Variants in UHRF2 observed in about 807,000 individuals in gnomAD.
UHRF2 encodes ubiquitin like with PHD and ring finger domains 2.
In UHRF2, 23 loss-of-function variants were observed where a neutral mutation model predicts 96.8. The ratio of observed to expected loss-of-function variants is 0.24; its 90% CI spans 0.17 to 0.34. The LOEUF is 0.34. UHRF2 is among the 10% of genes least tolerant of loss of function. UHRF2 has a pLI of 1.00. For synonymous variants in UHRF2, 385 were observed against 332.6 expected, an observed-to-expected ratio of 1.16 and a Z score of -1.72; for missense variants, 685 against 981.5, an observed-to-expected ratio of 0.70 and a Z score of 4.04.
intron 2 of UHRF2, among the ~76,000 whole-genome samples, chr9:6,433,353 A>G (rs1820660720): frequency 6.6e-6 from 1 of 152,120 alleles, no homozygotes; most frequent in Non-Finnish European, 1.5e-5. Context: ...TGGTAGATAA[A>G]TGTATTTGCC....
At chr9:6,425,838 T>C (rs961751820) in intron 2 of UHRF2, among the ~76,000 whole-genome samples, 10 of 152,190 alleles carry the variant, frequency 6.6e-5, no homozygotes, top group Non-Finnish European at 1.5e-4. Context: ...TCATTGCTTT[T>C]AGAGCCTTCA....
chr9:6,437,511 G>A (rs866899537), intron 3 of UHRF2, among the ~76,000 whole-genome samples: 212 of 152,306 alleles, frequency 1.4e-3, no homozygotes, highest in African/African-American at 4.9e-3. Flanking sequence ...GGGATTACAG[G>A]TATGAGTCAC....
chr9:6,473,802 A>G (rs1823393445), intron 4 of UHRF2, among the ~76,000 whole-genome samples: 1 of 152,232 alleles, frequency 6.6e-6, no homozygotes, highest in Non-Finnish European at 1.5e-5. Context: ...AGTTCTAATA[A>G]AACTTTATTT....
chr9:6,469,288 G>T (rs1823069353), intron 4 of UHRF2, among the ~76,000 whole-genome samples: 1 of 152,150 alleles, frequency 6.6e-6, no homozygotes, highest in African/African-American at 2.4e-5. Context: ...GGGAGGCCGA[G>T]GCAGGTGGAT....
At chr9:6,424,332 A>G (rs997429931) in intron 2 of UHRF2, among the ~76,000 whole-genome samples, 15 of 152,234 alleles carry the variant, frequency 9.9e-5, no homozygotes, top group Admixed American at 1.3e-4. Context: ...TCTGGGAATA[A>G]GTTAAGACTT....
In UHRF2 at chr9:6,500,575, G is replaced by C; in HGVS notation, c.2029G>C (p.Val677Leu). The change falls in exon 14 of 16, where the codon GTG becomes CTG. Residue 677 changes from valine to leucine, a missense_variant. Transcript: ENST00000276893. ...AGATGACTGTCCAAGTGCCTCCAAAGTGTACAAAGCATCAGATTCAGCAGA... is the reference window on the plus strand; with the variant it reads ...AGATGACTGTCCAAGTGCCTCCAAACTGTACAAAGCATCAGATTCAGCAGA... Reference protein sequence around the residue: ...SDDDCPSASKVYKASDSAEAI... With the variant: ...SDDDCPSASKLYKASDSAEAI... 6.2e-7 allele frequency: 1 copy of C among 1,612,648 alleles called. No homozygotes were observed. The highest frequency in any genetic ancestry group is 8.5e-7 in the Non-Finnish European group (1 of 1,179,800).
intron 9 of UHRF2, among the ~76,000 whole-genome samples, chr9:6,489,718 T>C (rs1221426261): frequency 6.8e-5 from 10 of 146,742 alleles, no homozygotes; most frequent in Admixed American, 6.3e-4. Flanking sequence ...CATTTTCTAA[T>C]TGGGTTTTTG....
chr9:6,438,041 G>A (rs1820955735), intron 3 of UHRF2, among the ~76,000 whole-genome samples: 1 of 152,204 alleles, frequency 6.6e-6, no homozygotes, highest in Admixed American at 6.5e-5. Context: ...AGGACCTGGT[G>A]CATGTTCAGA....
intron 2 of UHRF2, among the ~76,000 whole-genome samples, chr9:6,428,637 C>A (rs917873183): frequency 1.5e-5 from 2 of 137,330 alleles, no homozygotes; most frequent in East Asian, 2.3e-4. Flanking sequence ...GCAGCCCCAA[C>A]CTTCTGGGCT....
intron 3 of UHRF2, among the ~76,000 whole-genome samples, chr9:6,459,977 A>G (rs1365035870): frequency 6.6e-6 from 1 of 152,150 alleles, no homozygotes; most frequent in Non-Finnish European, 1.5e-5. Flanking sequence ...TGTCTCAGAA[A>G]CCAAAACAAA....
chr9:6,470,657 C>T (rs759251743), intron 4 of UHRF2, among the ~76,000 whole-genome samples: 15 of 151,896 alleles, frequency 9.9e-5, no homozygotes, highest in Non-Finnish European at 2.1e-4. Flanking sequence ...TGCGTGACAA[C>T]AATAATGCAG....
chr9:6,491,506 C>T (rs1446402744), intron 9 of UHRF2, among the ~76,000 whole-genome samples: 2 of 152,112 alleles, frequency 1.3e-5, no homozygotes, highest in Non-Finnish European at 2.9e-5. Flanking sequence ...GTCTAGACAA[C>T]CTTGAATTAA....
Position 6,413,360 on chromosome 9 carries a change from G to A in UHRF2, c.-131G>A. ...GCCTGTCGGGCCCGGCGTCCGGTCG[G>A]TCCGGTGGGCGCGCTCGCCCGCCTG... On this transcript the variant is annotated 5_prime_UTR_variant, in exon 1 of 16. Coordinates refer to ENST00000276893, the MANE Select transcript of UHRF2 (RefSeq NM_152896.3). The A allele has an allele frequency of 1.0e-6, 1 of 964,938 alleles. No homozygotes were observed. Among genetic ancestry groups the A allele is most frequent in the Non-Finnish European group, 1.3e-6 (1 of 761,108 alleles). The allele number at this position is 964,938 out of a possible 1,614,324, so 59.8% of individuals were successfully genotyped here.
intron 3 of UHRF2, among the ~76,000 whole-genome samples, chr9:6,448,541 A>G (rs1563764327): frequency 6.6e-6 from 1 of 152,204 alleles, no homozygotes; most frequent in South Asian, 2.1e-4. Flanking sequence ...ATGGGGATAG[A>G]ATAATGCCAG....
intron 3 of UHRF2, among the ~76,000 whole-genome samples, chr9:6,451,166 A>T (rs1587813292): frequency 6.6e-6 from 1 of 152,126 alleles, no homozygotes; most frequent in Non-Finnish European, 1.5e-5. Flanking sequence ...CAATAGGACT[A>T]CTGAAAAGTT....
At position 6,420,990 on chromosome 9, in the gene UHRF2, GATC is replaced by G; in HGVS notation, c.236_238del (p.His79del). The G allele has an allele frequency of 6.2e-7, 1 of 1,613,668 alleles. No individual in the cohort carries two copies. The highest frequency in any genetic ancestry group is 1.7e-5 in the Admixed American group (1 of 59,992). Reference sequence around the variant, plus strand: ...TCAGCTGCTAGTTCGCCCAGACCCTGATCATCTTCCTGGCACATCTACACAGAT... The same window carrying G: ...TCAGCTGCTAGTTCGCCCAGACCCTGATCTTCCTGGCACATCTACACAGAT... On this transcript the variant is annotated inframe_deletion, in exon 2 of 16. Transcript: ENST00000276893.
chr9:6,502,125 C>T (rs1049871959), intron 14 of UHRF2, among the ~76,000 whole-genome samples: 1 of 152,134 alleles, frequency 6.6e-6, no homozygotes, highest in East Asian at 1.9e-4. Context: ...CAGGTGTTAG[C>T]CAACAGTGAC....
intron 3 of UHRF2, among the ~76,000 whole-genome samples, chr9:6,450,827 G>A (rs750730067): frequency 2.0e-4 from 30 of 152,120 alleles, no homozygotes; most frequent in Non-Finnish European, 4.1e-4. Context: ...GAATGTTCCA[G>A]CCCTGGGTTC....
intron 14 of UHRF2, among the ~76,000 whole-genome samples, chr9:6,503,064 A>G (rs1225702271): frequency 3.9e-5 from 6 of 152,080 alleles, no homozygotes; most frequent in Non-Finnish European, 8.8e-5. Flanking sequence ...GCATGATCTC[A>G]GCTCACTGCA....
Sources: allele counts gnomAD v4.1 joint callset (sites outside exome capture counted in the v4.1 genomes callset), GRCh38; gene constraint gnomAD v4.1.1; transcripts MANE v1.5; gene names NCBI Gene and HGNC (gene_info 2026-07-23, HGNC 2026-07-21).